Variants in GPR63 observed in about 807,000 individuals in gnomAD.
GPR63 encodes G protein-coupled receptor 63, also known as probable G protein-coupled receptor 63.
In GPR63, 12 loss-of-function variants were observed where a neutral mutation model predicts 23.1. That is an observed-to-expected ratio of 0.52 (90% CI 0.33 to 0.84). GPR63 has a LOEUF of 0.84. GPR63 is among the 40% of genes least tolerant of loss of function. The pLI is 0.02. For missense variants in GPR63, 472 were observed against 515.6 expected (o/e 0.92, Z 0.82); for synonymous variants, 172 against 191.1 (o/e 0.90, Z 0.82).
In GPR63 at chr6:96,795,145, T is replaced by C. The variant is rs935648681; in HGVS notation, c.*3327A>G. 2.0e-5 allele frequency: 3 copies of C among 152,204 alleles called. No homozygotes were observed. The highest frequency in any genetic ancestry group is 4.8e-5 in the African/African-American group (2 of 41,456). The allele number at this position is 152,204 out of a possible 1,614,324, so 9.4% of individuals were successfully genotyped here. A position where few individuals can be genotyped will look rare whatever the true frequency, so the allele number is the denominator to read the frequency against. Reference sequence around the variant, plus strand: ...CACAGACCCTCTGGAGGCCCAGGAATCTGTACTGTTAACAAGCTCCCTTGG... The same window carrying C: ...CACAGACCCTCTGGAGGCCCAGGAACCTGTACTGTTAACAAGCTCCCTTGG... On this transcript the variant is annotated 3_prime_UTR_variant, in exon 2 of 2. Coordinates refer to ENST00000229955, the MANE Select transcript of GPR63 (RefSeq NM_030784.4).
intron 1 of GPR63, among the ~76,000 whole-genome samples, chr6:96,830,062 C>G (rs1328072789): frequency 6.6e-6 from 1 of 152,006 alleles, no homozygotes; most frequent in Non-Finnish European, 1.5e-5. Flanking sequence ...TAAATATTTA[C>G]AGTAGTAAAA....
chr6:96,821,979 C>T (rs1774325311), intron 1 of GPR63, among the ~76,000 whole-genome samples: 1 of 151,848 alleles, frequency 6.6e-6, no homozygotes, highest in Non-Finnish European at 1.5e-5. Flanking sequence ...ATCAGAAGAC[C>T]TTCACAACAC....
chr6:96,814,691 C>G (rs1050394691), intron 1 of GPR63, among the ~76,000 whole-genome samples: 12 of 152,262 alleles, frequency 7.9e-5, no homozygotes, highest in African/African-American at 2.9e-4. Context: ...AAAATGCTGT[C>G]CCTCATCCCT....
chr6:96,811,092 C>T (rs1774030874), intron 1 of GPR63, among the ~76,000 whole-genome samples: 1 of 152,118 alleles, frequency 6.6e-6, no homozygotes, highest in African/African-American at 2.4e-5. Context: ...TTCAAGCTTC[C>T]CAGGGCTCCC....
At position 96,795,573 on chromosome 6, in the gene GPR63, C is replaced by G. The variant is rs930749525; in HGVS notation, c.*2899G>C. On this transcript the variant is annotated 3_prime_UTR_variant, in exon 2 of 2. Transcript: ENST00000229955. ...TTGCTGCTGAATTCTCACAAAGACC[C>G]CTTCATAATCTTTGTTCACAAACAG... 3 of 152,138 alleles carry G rather than the reference C, an allele frequency of 2.0e-5. No homozygotes were observed. Among genetic ancestry groups the G allele is most frequent in the African/African-American group, 7.2e-5 (3 of 41,422 alleles). The allele number at this position is 152,138 out of a possible 1,614,324, so 9.4% of individuals were successfully genotyped here.
Position 96,837,366 on chromosome 6 carries a change from C to T in GPR63, c.-249G>A, listed in dbSNP as rs1415937809. 1 of 152,690 alleles carries T rather than the reference C, an allele frequency of 6.5e-6. No individual in the cohort carries two copies. The highest frequency in any genetic ancestry group is 1.5e-5 in the Non-Finnish European group (1 of 68,192). 9.5% of individuals were successfully genotyped at this position (152,690 alleles called of 1,614,324 possible). ...ACTTTCCTGACATAGCACTTCTCTCCTCCGCTGCAGAGAACAACGCTGCCA... is the reference window on the plus strand; with the variant it reads ...ACTTTCCTGACATAGCACTTCTCTCTTCCGCTGCAGAGAACAACGCTGCCA... On this transcript the variant is annotated 5_prime_UTR_variant, in exon 1 of 2. Coordinates refer to ENST00000229955, the MANE Select transcript of GPR63 (RefSeq NM_030784.4).
At chr6:96,809,956 T>C (rs1773998720) in intron 1 of GPR63, among the ~76,000 whole-genome samples, 1 of 152,202 alleles carries the variant, frequency 6.6e-6, no homozygotes, top group Admixed American at 6.5e-5. Context: ...ATAACCATAA[T>C]CTTCTACAGA....
At chr6:96,802,670 T>G (rs13196731) in intron 1 of GPR63, among the ~76,000 whole-genome samples, 135,753 of 150,590 alleles carry the variant, frequency 0.9, 61,322 homozygotes, top group East Asian at 1. Context: ...CTCACGAGTA[T>G]CTGGGACTAC....
In GPR63 at chr6:96,830,813, C is replaced by G. The variant is rs571686279; in HGVS notation, c.-151+6455G>C. ...TGTTTAAGTTTCTACCTTTTCCTGA[C>G]TTTTGCTCATTTTATAGTTCTAGTT... On this transcript the variant is annotated intron_variant, in intron 1 of 1. Transcript: ENST00000229955. 2.0e-5 allele frequency among the ~76,000 whole-genome samples: 3 copies of G among 152,314 alleles called. No homozygotes were observed. In the South Asian group the frequency reaches 6.2e-4, roughly 32 times the overall value.
chr6:96,825,862 GA>G (rs1487535786), intron 1 of GPR63, among the ~76,000 whole-genome samples: 1 of 151,724 alleles, frequency 6.6e-6, no homozygotes, highest in Non-Finnish European at 1.5e-5. Flanking sequence ...TACAGCAACT[GA>G]GTATTGAGAG....
Position 96,794,226 on chromosome 6 carries a change from A to T in GPR63, c.*4246T>A, listed in dbSNP as rs1773524136. ...TATTTTTCGATATTTAAATATTAGA[A>T]CCCATAATTCAAGGTTGTTTTTTTT... On this transcript the variant is annotated 3_prime_UTR_variant, in exon 2 of 2. Coordinates refer to ENST00000229955, the MANE Select transcript of GPR63 (RefSeq NM_030784.4). 1.3e-5 allele frequency: 2 copies of T among 152,122 alleles called. No individual in the cohort carries two copies. Among genetic ancestry groups the T allele is most frequent in the East Asian group, 3.9e-4 (2 of 5,186 alleles). The allele number at this position is 152,122 out of a possible 1,614,324, so 9.4% of individuals were successfully genotyped here.
chr6:96,829,107 T>C (rs1774514997), intron 1 of GPR63, among the ~76,000 whole-genome samples: 1 of 152,192 alleles, frequency 6.6e-6, no homozygotes, highest in African/African-American at 2.4e-5. Flanking sequence ...TGAAGAAGGA[T>C]AAAGATTTAA....
intron 1 of GPR63, among the ~76,000 whole-genome samples, chr6:96,834,388 A>G (rs1774667592): frequency 6.6e-6 from 1 of 152,180 alleles, no homozygotes; most frequent in African/African-American, 2.4e-5. Flanking sequence ...GGAAATTGAA[A>G]CTATAACTGA....
At chr6:96,833,381 C>G (rs1200915985) in intron 1 of GPR63, among the ~76,000 whole-genome samples, 1 of 152,212 alleles carries the variant, frequency 6.6e-6, no homozygotes, top group East Asian at 1.9e-4. Context: ...AACTCTTACT[C>G]TGATCTAAAC....
chr6:96,807,430 G>A (rs940882218), intron 1 of GPR63, among the ~76,000 whole-genome samples: 3 of 152,222 alleles, frequency 2.0e-5, no homozygotes, highest in Admixed American at 6.5e-5. Flanking sequence ...ACTTGGTGAC[G>A]AGTGGATTAC....
rs184658265 is a variant in GPR63 at position 96,796,573 on chromosome 6, A to C, written c.*1899T>G. The stretch of plus-strand genomic sequence containing the variant: ...GGGGCAGACTGTCAGCAAGAGAAAA[A>C]CAATTTGAAATGTCAGACATGCCCT... On this transcript the variant is annotated 3_prime_UTR_variant, in exon 2 of 2. Transcript: ENST00000229955. The C allele has an allele frequency of 1.1e-4, 17 of 152,342 alleles. No individual in the cohort carries two copies. Among genetic ancestry groups the C allele is most frequent in the Admixed American group, 1.0e-3 (16 of 15,306 alleles). The allele number at this position is 152,342 out of a possible 1,614,324, so 9.4% of individuals were successfully genotyped here.
intron 1 of GPR63, among the ~76,000 whole-genome samples, chr6:96,809,544 TTC>T (rs1376507957): frequency 6.6e-6 from 1 of 152,152 alleles, no homozygotes; most frequent in Non-Finnish European, 1.5e-5. Flanking sequence ...AACCAAAAAA[TTC>T]TTTCATGGTT....
chr6:96,805,499 A>G lies in GPR63; in HGVS notation c.-150-5618T>C, dbSNP rs549457981. ...CAAACAGCCCAACCATGTCAGTATCATATTCTACAGTACTGATTCTATTCA... is the reference window on the plus strand; with the variant it reads ...CAAACAGCCCAACCATGTCAGTATCGTATTCTACAGTACTGATTCTATTCA... On this transcript the variant is annotated intron_variant, in intron 1 of 1. Coordinates refer to ENST00000229955, the MANE Select transcript of GPR63 (RefSeq NM_030784.4). Among the ~76,000 whole-genome samples the G allele has an allele frequency of 2.0e-5, 3 of 152,308 alleles. No homozygotes were observed. The South Asian group carries it at 6.2e-4, about 32-fold the overall frequency.
Position 96,799,527 on chromosome 6 carries a change from T to C in GPR63, c.205A>G (p.Thr69Ala). The change falls in exon 2 of 2, where the codon ACA (threonine) becomes GCA (alanine). Residue 69 changes from threonine to alanine, a missense_variant. By Grantham distance (58) the Thr-to-Ala change is moderately conservative (BLOSUM62 0). Coordinates refer to ENST00000229955, the MANE Select transcript of GPR63 (RefSeq NM_030784.4). ...LTVNSTAVPT[T>A]PAAFKSLNLP... Reference sequence around the variant, plus strand: ...TTTAGGCTCTTAAATGCTGCTGGTGTTGTGGGCACAGCTGTACTATTCACG... The same window carrying C: ...TTTAGGCTCTTAAATGCTGCTGGTGCTGTGGGCACAGCTGTACTATTCACG... 1 of 1,614,140 alleles carries C rather than the reference T, an allele frequency of 6.2e-7. No homozygotes were observed. The highest frequency in any genetic ancestry group is 1.3e-5 in the African/African-American group (1 of 75,036).
Sources: gnomAD v4.1 joint callset for allele counts (sites outside exome capture counted in the v4.1 genomes callset) on GRCh38, gnomAD v4.1.1 for gene constraint, MANE v1.5 for transcripts, NCBI Gene and HGNC (gene_info 2026-07-23, HGNC 2026-07-21) for gene names.